Variants in UCK2 observed in about 807,000 individuals in gnomAD.
UCK2 encodes the protein uridine-cytidine kinase 2.
UCK2 carries 6 observed loss-of-function variants against 30.8 expected under a neutral mutation model. The observed-to-expected ratio is 0.19, with a 90% CI of 0.11 to 0.38. The LOEUF is 0.38. UCK2 is among the 10% of genes least tolerant of loss of function. The pLI, the probability that UCK2 is intolerant of heterozygous loss-of-function variation, is 1.00. For synonymous variants in UCK2, 125 were observed against 133.6 expected, an observed-to-expected ratio of 0.94 and a Z score of 0.45; for missense variants, 210 against 339.8, an observed-to-expected ratio of 0.62 and a Z score of 3.00.
At chr1:165,883,093 G>C (rs1655540246) in intron 1 of UCK2, among the ~76,000 whole-genome samples, 1 of 152,084 alleles carries the variant, frequency 6.6e-6, no homozygotes, top group African/African-American at 2.4e-5. Flanking sequence ...CAAAGTGCTG[G>C]GATTACGGGT....
chr1:165,848,385 A>G (rs1298190253), intron 1 of UCK2, among the ~76,000 whole-genome samples: 4 of 152,122 alleles, frequency 2.6e-5, no homozygotes, highest in Non-Finnish European at 5.9e-5. Context: ...TAATCCCAGC[A>G]CTTTGGGAGG....
chr1:165,859,439 C>T (rs1654833683), intron 1 of UCK2, among the ~76,000 whole-genome samples: 2 of 152,278 alleles, frequency 1.3e-5, no homozygotes, highest in South Asian at 4.1e-4. Context: ...TACATGTATT[C>T]CAGCTCTCAG....
rs751732134 is a variant in UCK2 at position 165,891,262 on chromosome 1, A to G, written c.296A>G (p.Lys99Arg). 1.6e-5 allele frequency: 26 copies of G among 1,614,096 alleles called. No homozygotes were observed. Among genetic ancestry groups the G allele is most frequent in the Non-Finnish European group, 1.9e-5 (23 of 1,180,016 alleles). ...AATGAACTCATTCTCAAAACACTCA[A>G]AGAAATCACTGAAGGGAAAACAGTC... ...FDNELILKTLKEITEGKTVQI... is the reference protein window; with the variant it reads ...FDNELILKTLREITEGKTVQI... The change falls in exon 3 of 7, where the codon AAA becomes AGA. Residue 99 changes from lysine to arginine, a missense_variant. Around this residue, in one of 4 missense-constraint regions of UCK2, gnomAD observed 75 missense variants for 124.7 expected, o/e 0.60. Transcript: ENST00000367879.
chr1:165,870,254 G>A (rs1319428246), intron 1 of UCK2, among the ~76,000 whole-genome samples: 2 of 143,910 alleles, frequency 1.4e-5, no homozygotes, highest in Non-Finnish European at 3.0e-5. Flanking sequence ...AATACCATTA[G>A]CTGGACGATA....
intron 1 of UCK2, among the ~76,000 whole-genome samples, chr1:165,851,668 T>C (rs937399571): frequency 6.6e-6 from 1 of 152,008 alleles, no homozygotes; most frequent in East Asian, 1.9e-4. Context: ...GTGCAGAACG[T>C]GCGGGTTTGT....
intron 3 of UCK2, among the ~76,000 whole-genome samples, chr1:165,893,735 T>C (rs549036544): frequency 5.4e-4 from 83 of 152,338 alleles, no homozygotes; most frequent in South Asian, 1.9e-3. Context: ...TAGTAGTTGC[T>C]CAATAAATTT....
In UCK2 at chr1:165,909,714, C is replaced by G. The variant is rs1458362821; in HGVS notation, c.*1891C>G. 1 of 152,236 alleles carries G rather than the reference C, an allele frequency of 6.6e-6. No individual in the cohort carries two copies. Among genetic ancestry groups the G allele is most frequent in the Non-Finnish European group, 1.5e-5 (1 of 68,056 alleles). The allele number at this position is 152,236 out of a possible 1,614,324, so 9.4% of individuals were successfully genotyped here. Reference sequence around the variant, plus strand: ...GTGCTCACCAAGATCAGTTCAGGATCAATCATTATCCTTGTAGTCATGCCT... The same window carrying G: ...GTGCTCACCAAGATCAGTTCAGGATGAATCATTATCCTTGTAGTCATGCCT... On this transcript the variant is annotated 3_prime_UTR_variant, in exon 7 of 7. Transcript: ENST00000367879.
chr1:165,862,421 G>A (rs1654936534), intron 1 of UCK2, among the ~76,000 whole-genome samples: 1 of 152,172 alleles, frequency 6.6e-6, no homozygotes, highest in Non-Finnish European at 1.5e-5. Context: ...GAAGATCATG[G>A]GAGGTCCTTT....
chr1:165,905,653 A>G (rs1005658584), intron 5 of UCK2, among the ~76,000 whole-genome samples: 1 of 152,170 alleles, frequency 6.6e-6, no homozygotes, highest in Non-Finnish European at 1.5e-5. Context: ...AAAGTCTTCA[A>G]TCCTTCTTTC....
intron 1 of UCK2, among the ~76,000 whole-genome samples, chr1:165,852,530 A>G (rs531555428): frequency 1.3e-5 from 2 of 152,384 alleles, no homozygotes; most frequent in East Asian, 3.9e-4. Context: ...ACCACACGCC[A>G]GTCAGAATGG....
rs114492158 is a variant in UCK2 at position 165,910,567 on chromosome 1, G to A, written c.*2744G>A. The A allele has an allele frequency of 2.0e-5, 3 of 152,440 alleles. No homozygotes were observed. The highest frequency in any genetic ancestry group is 2.9e-5 in the Non-Finnish European group (2 of 68,136). 9.4% of individuals were successfully genotyped at this position (152,440 alleles called of 1,614,324 possible). A position where few individuals can be genotyped will look rare whatever the true frequency, so the allele number is the denominator to read the frequency against. ...TGGCCTCTCACTCCTTCACACTAAT[G>A]AGCCTTCTACTGACCCAAGTTTCTT... On this transcript the variant is annotated 3_prime_UTR_variant, in exon 7 of 7. Transcript: ENST00000367879.
At chr1:165,870,187 A>G (rs1424236872) in intron 1 of UCK2, among the ~76,000 whole-genome samples, 1 of 141,876 alleles carries the variant, frequency 7.0e-6, no homozygotes, top group Non-Finnish European at 1.5e-5. Flanking sequence ...TAAAGTAAGG[A>G]AAGGTCTAAC....
chr1:165,909,130 T>TGG lies in UCK2; in HGVS notation c.*1310_*1311dup, dbSNP rs1308566613. ...AGTTGGAGCCTGAGGTTGAAATATT[T>TGG]GGGGTGGAGATTTCTAGCTTTCCTG... is the stretch of plus-strand genomic sequence containing the variant. On this transcript the variant is annotated 3_prime_UTR_variant, in exon 7 of 7. Transcript: ENST00000367879. The TGG allele has an allele frequency of 2.6e-5, 4 of 152,060 alleles. No homozygotes were observed. The highest frequency in any genetic ancestry group is 5.9e-5 in the Non-Finnish European group (4 of 67,990). The allele number at this position is 152,060 out of a possible 1,614,324, so 9.4% of individuals were successfully genotyped here.
chr1:165,845,594 T>G (rs778128198), intron 1 of UCK2, among the ~76,000 whole-genome samples: 7 of 152,178 alleles, frequency 4.6e-5, no homozygotes, highest in Non-Finnish European at 8.8e-5. Flanking sequence ...TTGGGAAATA[T>G]TTAAGTCTCA....
intron 1 of UCK2, among the ~76,000 whole-genome samples, chr1:165,860,562 C>G (rs935576848): frequency 1.3e-5 from 2 of 152,100 alleles, no homozygotes; most frequent in Non-Finnish European, 2.9e-5. Flanking sequence ...GATTCTCCCA[C>G]CTCAGCCTCC....
chr1:165,850,448 A>T (rs1036326830), intron 1 of UCK2, among the ~76,000 whole-genome samples: 3 of 148,754 alleles, frequency 2.0e-5, no homozygotes, highest in Non-Finnish European at 4.5e-5. Flanking sequence ...TAATTTTTAA[A>T]TTTTTCTTAG....
chr1:165,907,660 G>A (rs754331990), intron 6 of UCK2, 24 bp from the exon 7 acceptor site: 21 of 1,612,856 alleles, frequency 1.3e-5, no homozygotes, highest in Non-Finnish European at 1.8e-5. Context: ...CACCCGTAAC[G>A]CTCTGCTGGT....
At chr1:165,857,069 C>T (rs16851839) in intron 1 of UCK2, among the ~76,000 whole-genome samples, 1 of 152,186 alleles carries the variant, frequency 6.6e-6, no homozygotes, top group South Asian at 2.1e-4. Flanking sequence ...ATCTTCACAT[C>T]TGCTTTCTCG....
At chr1:165,831,239 A>C (rs1266402709) in intron 1 of UCK2, among the ~76,000 whole-genome samples, 1 of 152,144 alleles carries the variant, frequency 6.6e-6, no homozygotes, top group Non-Finnish European at 1.5e-5. Flanking sequence ...TCTCTACGAA[A>C]AATTAAAAAT....
Sources: allele counts gnomAD v4.1 joint callset (sites outside exome capture counted in the v4.1 genomes callset), GRCh38; gene constraint gnomAD v4.1.1; regional missense constraint gnomAD v4.1.1; transcripts MANE v1.5; gene names NCBI Gene and HGNC (gene_info 2026-07-23, HGNC 2026-07-21).